Variants in CPEB4 observed in about 807,000 individuals in gnomAD.
CPEB4 encodes cytoplasmic polyadenylation element binding protein 4.
In CPEB4, 12 loss-of-function variants were observed where a neutral mutation model predicts 72.5. The observed-to-expected ratio is 0.17, with a 90% CI of 0.11 to 0.27. The LOEUF (loss-of-function observed/expected upper bound fraction) is 0.27, where lower values mean the gene tolerates loss of function less well. CPEB4 is among the 10% of genes least tolerant of loss of function. The probability of loss-of-function intolerance (pLI) is 1.00; values close to 1 mark genes in which losing one functional copy is unlikely to be tolerated. For missense variants in CPEB4, 614 were observed against 908.5 expected (o/e 0.68, Z 4.17); for synonymous variants, 302 against 326.3 (o/e 0.93, Z 0.80).
rs766614341 is a variant in CPEB4, at chr5:173,953,255, G to A, written c.1945G>A (p.Gly649Arg). The A allele has an allele frequency of 6.2e-7, 1 of 1,600,510 alleles. No individual in the cohort carries two copies. The highest frequency in any genetic ancestry group is 8.5e-7 in the Non-Finnish European group (1 of 1,172,256). Residue 649 changes from glycine (G) to arginine (R), a missense_variant, in exon 9 of 10, where the codon GGA becomes AGA. Gly to Arg is a moderately radical substitution (Grantham distance 125). Transcript: ENST00000265085. ...ISARFVQLQHGEIDKRVEVKP... is the reference protein window; with the variant it reads ...ISARFVQLQHREIDKRVEVKP... Reference sequence around the variant, plus strand: ...TGCCCGCTTTGTTCAGCTGCAGCATGGAGAGATAGATAAACGGGTAAGCCT... The same window carrying A: ...TGCCCGCTTTGTTCAGCTGCAGCATAGAGAGATAGATAAACGGGTAAGCCT...
At chr5:173,935,106 C>T (rs577911729) in intron 3 of CPEB4, among the ~76,000 whole-genome samples, 58 of 152,018 alleles carry the variant, frequency 3.8e-4, no homozygotes, top group African/African-American at 1.3e-3. Context: ...GCACCTGGCA[C>T]GTAGTAAGTC....
At position 173,888,493 on chromosome 5, in the gene CPEB4, G is replaced by A. The variant is rs2113104435; in HGVS notation, c.-1241G>A. 2 of 428,052 alleles carry A rather than the reference G, an allele frequency of 4.7e-6. No homozygotes were observed. Among genetic ancestry groups the A allele is most frequent in the South Asian group, 1.4e-4 (2 of 14,336 alleles). 26.5% of individuals were successfully genotyped at this position (428,052 alleles called of 1,614,324 possible). A position where few individuals can be genotyped will look rare whatever the true frequency, so the allele number is the denominator to read the frequency against. ...AGGAAAGAAAAAGAAGAACCAGGAG[G>A]AGTCCTCAACAACGACAGCGGGGAC... On this transcript the variant is annotated 5_prime_UTR_variant, in exon 1 of 10. Transcript: ENST00000265085. The surrounding 1 kb of genome is among the most constrained non-coding windows in gnomAD (Gnocchi z 4.3).
chr5:173,945,202 G>A, intron 5 of CPEB4, 62 bp downstream of exon 5: 1 of 1,415,256 alleles, frequency 7.1e-7, no homozygotes, highest in South Asian at 1.3e-5. Context: ...GAAACTCACA[G>A]ATAGTGTTAC....
intron 1 of CPEB4, among the ~76,000 whole-genome samples, chr5:173,891,936 A>G (rs1350799682): frequency 6.6e-6 from 1 of 152,132 alleles, no homozygotes; most frequent in Admixed American, 6.5e-5. Flanking sequence ...TAACTTAGCC[A>G]AGGGTACACA....
rs368286430 is a variant in CPEB4, at chr5:173,953,074, G to A, written c.1781-17G>A. The A allele has an allele frequency of 1.9e-6, 3 of 1,581,700 alleles. No homozygotes were observed. Among genetic ancestry groups the A allele is most frequent in the African/African-American group, 2.7e-5 (2 of 73,780 alleles). Reference sequence around the variant, plus strand: ...TTTCCTGATTTTAAATATCCTCCTTGTTCCTTTCTTAATTAGTGGAGCTTG... The same window carrying A: ...TTTCCTGATTTTAAATATCCTCCTTATTCCTTTCTTAATTAGTGGAGCTTG... On this transcript the variant is annotated splice_polypyrimidine_tract_variant and intron_variant, in intron 8 of 9. Coordinates refer to ENST00000265085, the MANE Select transcript of CPEB4 (RefSeq NM_030627.4).
At chr5:173,921,435 TGAG>T (rs1250413382) in intron 2 of CPEB4, among the ~76,000 whole-genome samples, 1 of 152,178 alleles carries the variant, frequency 6.6e-6, no homozygotes, top group Non-Finnish European at 1.5e-5. Flanking sequence ...GAGGAAATGG[TGAG>T]GAGGAGGACA....
intron 5 of CPEB4, among the ~76,000 whole-genome samples, chr5:173,948,571 T>C (rs766585013): frequency 6.6e-6 from 1 of 152,188 alleles, no homozygotes; most frequent in Non-Finnish European, 1.5e-5. Flanking sequence ...CAGTTTGGAA[T>C]ACGTCACATG....
intron 1 of CPEB4, among the ~76,000 whole-genome samples, chr5:173,895,170 A>C (rs1755960270): frequency 6.6e-6 from 1 of 152,126 alleles, no homozygotes; most frequent in Non-Finnish European, 1.5e-5. Context: ...GGACCCTTAC[A>C]GTAAGGAAAA....
At chr5:173,908,315 A>G (rs1478333327) in intron 1 of CPEB4, among the ~76,000 whole-genome samples, 1 of 152,184 alleles carries the variant, frequency 6.6e-6, no homozygotes, top group Non-Finnish European at 1.5e-5. Flanking sequence ...ATGAGGAAAG[A>G]ATCCGGTGGA....
rs1561636814 is a variant in CPEB4 at position 173,958,441 on chromosome 5, A to C, written c.*2304A>C. ...TATACTTCATTTTTTAATATAAATAATTTTAATAAATTTTATTTTCTTATA... is the reference window on the plus strand; with the variant it reads ...TATACTTCATTTTTTAATATAAATACTTTTAATAAATTTTATTTTCTTATA... On this transcript the variant is annotated 3_prime_UTR_variant, in exon 10 of 10. Coordinates refer to ENST00000265085, the MANE Select transcript of CPEB4 (RefSeq NM_030627.4). The C allele has an allele frequency of 6.6e-6, 1 of 152,126 alleles. No individual in the cohort carries two copies. The highest frequency in any genetic ancestry group is 1.5e-5 in the Non-Finnish European group (1 of 67,948). The allele number at this position is 152,126 out of a possible 1,614,324, so 9.4% of individuals were successfully genotyped here. A position where few individuals can be genotyped will look rare whatever the true frequency, so the allele number is the denominator to read the frequency against.
chr5:173,924,785 A>C (rs76514609), intron 2 of CPEB4, among the ~76,000 whole-genome samples: 287 of 152,328 alleles, frequency 1.9e-3, no homozygotes, highest in African/African-American at 6.4e-3. Context: ...GAGATCATCA[A>C]CTGCTGACTT....
In CPEB4 at chr5:173,959,516, G is replaced by GT. The variant is rs1224635523; in HGVS notation, c.*3381dup. 6.5e-6 allele frequency: 1 copy of GT among 152,774 alleles called. No homozygotes were observed. The highest frequency in any genetic ancestry group is 2.4e-5 in the African/African-American group (1 of 41,458). The allele number at this position is 152,774 out of a possible 1,614,324, so 9.5% of individuals were successfully genotyped here. A position where few individuals can be genotyped will look rare whatever the true frequency, so the allele number is the denominator to read the frequency against. On this transcript the variant is annotated 3_prime_UTR_variant, in exon 10 of 10. Transcript: ENST00000265085. Reference sequence around the variant, plus strand: ...ACTTGAATGTGATGAATTGTGGCAAGTTAACTTCAAGTTATGTGCAATACT... The same window carrying GT: ...ACTTGAATGTGATGAATTGTGGCAAGTTTAACTTCAAGTTATGTGCAATACT...
chr5:173,926,058 A>G (rs2113220422), intron 2 of CPEB4, among the ~76,000 whole-genome samples: 1 of 152,304 alleles, frequency 6.6e-6, no homozygotes, highest in Admixed American at 6.5e-5. Context: ...CCATGTTGTC[A>G]ACATTGTTGG....
intron 2 of CPEB4, among the ~76,000 whole-genome samples, chr5:173,927,312 G>A (rs934975737): frequency 6.6e-6 from 1 of 152,178 alleles, no homozygotes; most frequent in African/African-American, 2.4e-5. Flanking sequence ...CTCATCAAAT[G>A]CTCACCTGGT....
At position 173,890,112 on chromosome 5, in the gene CPEB4, G is replaced by A. The variant is rs1255929535; in HGVS notation, c.379G>A (p.Gly127Ser). The change falls in exon 1 of 10, where the codon GGC (glycine) becomes AGC (serine). Residue 127 changes from glycine to serine, a missense_variant. This residue lies in a region of CPEB4 where 458 missense variants were observed against 548.6 expected (regional missense o/e 0.83). Coordinates refer to ENST00000265085, the MANE Select transcript of CPEB4 (RefSeq NM_030627.4). ...TCAAGGGGACAATTCTTCGGAAAAT[G>A]GCAATGGGAAGGAGAAAATAAGGAT... is the stretch of plus-strand genomic sequence containing the variant. ...ENQGDNSSENGNGKEKIRIES... is the reference protein window; with the variant it reads ...ENQGDNSSENSNGKEKIRIES... The A allele has an allele frequency of 1.2e-6, 2 of 1,614,174 alleles. No individual in the cohort carries two copies. The highest frequency in any genetic ancestry group is 2.2e-5 in the East Asian group (1 of 44,890).
intron 9 of CPEB4, 53 bp downstream of exon 9, chr5:173,953,325 T>C: frequency 2.3e-6 from 3 of 1,325,416 alleles, no homozygotes; most frequent in Non-Finnish European, 3.1e-6. Context: ...TCTAAATGTG[T>C]GATTACCAAT....
rs61230068 is a variant in CPEB4 at position 173,956,605 on chromosome 5, T to A, written c.*468T>A. ...GAAGTGCTTTTGCCTTTTCCTTTCT[T>A]TTTTTTTTTTTTTTCATCTTTTTTG... On this transcript the variant is annotated 3_prime_UTR_variant, in exon 10 of 10. Coordinates refer to ENST00000265085, the MANE Select transcript of CPEB4 (RefSeq NM_030627.4). 20,641 of 141,164 alleles carry A rather than the reference T, an allele frequency of 0.15. 2,014 individuals are homozygous for A. The highest frequency in any genetic ancestry group is 0.29 in the African/African-American group (11,341 of 39,652). 8.7% of individuals were successfully genotyped at this position (141,164 alleles called of 1,614,324 possible).
chr5:173,952,131 A>G (rs1244578296), intron 8 of CPEB4, among the ~76,000 whole-genome samples, 193 bp downstream of exon 8: 1 of 152,178 alleles, frequency 6.6e-6, no homozygotes, highest in Non-Finnish European at 1.5e-5. Context: ...TCTAATTCCC[A>G]GTTTCCCCAT....
intron 1 of CPEB4, among the ~76,000 whole-genome samples, chr5:173,902,050 G>A (rs962646486): frequency 7.2e-5 from 11 of 152,156 alleles, no homozygotes; most frequent in African/African-American, 2.4e-4. Flanking sequence ...GTCCACTCTT[G>A]ATGATCTGTG....
Sources: allele counts gnomAD v4.1 joint callset (sites outside exome capture counted in the v4.1 genomes callset), GRCh38; gene constraint gnomAD v4.1.1; regional missense constraint gnomAD v4.1.1; non-coding constraint Gnocchi (gnomAD v3.1); transcripts MANE v1.5; gene names NCBI Gene and HGNC (gene_info 2026-07-23, HGNC 2026-07-21).